The following MACROD2 variants were observed in gnomAD, a reference collection of about 807,000 sequenced individuals.
MACROD2 encodes the protein ADP-ribose glycohydrolase MACROD2.
MACROD2 carries 36 observed loss-of-function variants against 70.4 expected under a neutral mutation model. The ratio of observed to expected loss-of-function variants is 0.51; its 90% CI spans 0.39 to 0.68. MACROD2 has a LOEUF of 0.68. MACROD2 is among the 30% of genes least tolerant of loss of function. MACROD2 has a pLI of 0.00. For synonymous variants in MACROD2, 172 were observed against 178.8 expected (o/e 0.96, Z 0.30); for missense variants, 496 against 538.4 (o/e 0.92, Z 0.78).
intron 6 of MACROD2, among the ~76,000 whole-genome samples, chr20:15,251,615 C>T (rs1370613473): frequency 6.6e-6 from 1 of 152,164 alleles, no homozygotes; most frequent in East Asian, 1.9e-4. Flanking sequence ...TCCTTGTTCT[C>T]AATGATATTT....
chr20:15,309,649 G>C (rs537844817), intron 6 of MACROD2, among the ~76,000 whole-genome samples: 2 of 152,228 alleles, frequency 1.3e-5, no homozygotes, highest in East Asian at 3.9e-4. Context: ...AAGCTATAGA[G>C]TGGAATACAA....
At chr20:15,019,044 C>A (rs2075143655) in intron 5 of MACROD2, among the ~76,000 whole-genome samples, 1 of 152,186 alleles carries the variant, frequency 6.6e-6, no homozygotes, top group African/African-American at 2.4e-5. Flanking sequence ...CTCAAGTATT[C>A]TTTACAGCAA....
At chr20:14,835,258 G>A (rs2073016939) in intron 5 of MACROD2, among the ~76,000 whole-genome samples, 1 of 152,046 alleles carries the variant, frequency 6.6e-6, no homozygotes, top group Non-Finnish European at 1.5e-5. Flanking sequence ...GAGGATGAAG[G>A]AAAGAGGATA....
At chr20:14,069,981 C>G (rs2148660394) in intron 2 of MACROD2, among the ~76,000 whole-genome samples, 1 of 152,088 alleles carries the variant, frequency 6.6e-6, no homozygotes, top group East Asian at 1.9e-4. Context: ...GCCCCTATAC[C>G]AGCCTGACTA....
At chr20:15,612,900 C>A in intron 8 of MACROD2, among the ~76,000 whole-genome samples, 1 of 152,172 alleles carries the variant, frequency 6.6e-6, no homozygotes, top group East Asian at 1.9e-4. Flanking sequence ...ACAGGACAGA[C>A]AGACTGACAG....
At chr20:14,227,258 G>A (rs1241047344) in intron 3 of MACROD2, among the ~76,000 whole-genome samples, 7 of 152,132 alleles carry the variant, frequency 4.6e-5, no homozygotes, top group Admixed American at 2.0e-4. Context: ...CCAGATAAGA[G>A]AATAAAAGCA....
intron 5 of MACROD2, among the ~76,000 whole-genome samples, chr20:15,203,870 A>G (rs1316529476): frequency 6.6e-6 from 1 of 152,108 alleles, no homozygotes; most frequent in Non-Finnish European, 1.5e-5. Flanking sequence ...AAGATTATAT[A>G]CTTTATTTTT....
intron 3 of MACROD2, among the ~76,000 whole-genome samples, chr20:14,184,089 G>A (rs150039748): frequency 8.6e-5 from 13 of 151,966 alleles, no homozygotes; most frequent in Admixed American, 2.6e-4. Flanking sequence ...TGGCATCTTC[G>A]TCATGAAATC....
chr20:15,324,963 G>C (rs1193313309), intron 6 of MACROD2, among the ~76,000 whole-genome samples: 1 of 150,304 alleles, frequency 6.7e-6, no homozygotes, highest in African/African-American at 2.4e-5. Flanking sequence ...CTGCTCCTAT[G>C]TAAAAGGGCA....
chr20:14,782,386 G>A (rs1350241568), intron 5 of MACROD2, among the ~76,000 whole-genome samples: 1 of 151,932 alleles, frequency 6.6e-6, no homozygotes, highest in East Asian at 1.9e-4. Flanking sequence ...AACTTTATAC[G>A]GCTAGCCAAT....
chr20:14,716,964 T>C lies in MACROD2; in HGVS notation c.418+32005T>C, dbSNP rs566609517. Among the ~76,000 whole-genome samples the C allele has an allele frequency of 2.0e-5, 3 of 152,278 alleles. No homozygotes were observed. The East Asian group carries it at 5.8e-4, about 29-fold the overall frequency. ...AGAAACTTGCAATATGTCCTTAAAT[T>C]ATGTTTAATTTTGAGTGTCGACTTA... On this transcript the variant is annotated intron_variant, in intron 5 of 17. Transcript: ENST00000684519.
chr20:15,862,340 G>A (rs2064435331), intron 8 of MACROD2, among the ~76,000 whole-genome samples: 1 of 152,116 alleles, frequency 6.6e-6, no homozygotes. Context: ...GTAGGACAAT[G>A]AGCTCTTTGT....
intron 8 of MACROD2, among the ~76,000 whole-genome samples, chr20:15,776,579 A>T (rs1384757916): frequency 1.3e-5 from 2 of 152,166 alleles, no homozygotes; most frequent in Non-Finnish European, 2.9e-5. Context: ...AAATCAAATC[A>T]TATAATAAAA....
intron 4 of MACROD2, among the ~76,000 whole-genome samples, chr20:14,537,770 A>G (rs2085383667): frequency 6.6e-6 from 1 of 152,202 alleles, no homozygotes; most frequent in Admixed American, 6.5e-5. Flanking sequence ...GAAAAGTTGG[A>G]AATGGCACCA....
At chr20:14,698,579 G>A (rs1220033727) in intron 5 of MACROD2, among the ~76,000 whole-genome samples, 2 of 151,652 alleles carry the variant, frequency 1.3e-5, no homozygotes, top group Non-Finnish European at 2.9e-5. Context: ...AATCATCTGA[G>A]GTTATTTAAT....
At chr20:14,985,733 A>G (rs1391021440) in intron 5 of MACROD2, among the ~76,000 whole-genome samples, 1 of 119,736 alleles carries the variant, frequency 8.4e-6, no homozygotes, top group African/African-American at 3.4e-5. Context: ...GTTCTTTCTT[A>G]GCTAAGAAAT....
chr20:15,018,942 C>T (rs992312112), intron 5 of MACROD2, among the ~76,000 whole-genome samples: 3 of 152,180 alleles, frequency 2.0e-5, no homozygotes, highest in African/African-American at 7.2e-5. Context: ...CAGAGGCATC[C>T]CTCGAAGCTG....
chr20:14,071,744 A>T (rs2053846273), intron 2 of MACROD2, among the ~76,000 whole-genome samples: 1 of 152,054 alleles, frequency 6.6e-6, no homozygotes, highest in African/African-American at 2.4e-5. Flanking sequence ...CCTAAAATAG[A>T]GGTGAAATAG....
intron 2 of MACROD2, among the ~76,000 whole-genome samples, chr20:14,012,472 C>T (rs542376993): frequency 6.6e-6 from 1 of 152,268 alleles, no homozygotes; most frequent in African/African-American, 2.4e-5. Flanking sequence ...TTCGGACCTG[C>T]GGGCATAGCT....
Sources: allele counts gnomAD v4.1 joint callset (sites outside exome capture counted in the v4.1 genomes callset), GRCh38; gene constraint gnomAD v4.1.1; transcripts MANE v1.5; gene names NCBI Gene and HGNC (gene_info 2026-07-23, HGNC 2026-07-21).